CDH22: variants seen among roughly 807,000 people sequenced by gnomAD.
CDH22 encodes the protein cadherin 22.
In CDH22, 30 loss-of-function variants were observed where a neutral mutation model predicts 58.4. The observed-to-expected ratio is 0.51, with a 90% CI of 0.38 to 0.70. CDH22 has a LOEUF of 0.70. Among genes scored for constraint, CDH22 ranks in the 30% least tolerant of loss-of-function variants. The pLI is 0.00. For synonymous variants in CDH22, 513 were observed against 558.2 expected (o/e 0.92, Z 1.14); for missense variants, 1,014 against 1,233.9 (o/e 0.82, Z 2.67).
At chr20:46,240,904 C>A (rs2086284638) in intron 3 of CDH22, 59 bp downstream of exon 3, 4 of 1,462,062 alleles carry the variant, frequency 2.7e-6, no homozygotes, top group Admixed American at 1.9e-5. Flanking sequence ...CCCTTCCCAG[C>A]AGGCTCCACT....
intron 1 of CDH22, among the ~76,000 whole-genome samples, chr20:46,256,602 G>T (rs1459170572): frequency 6.6e-6 from 1 of 152,146 alleles, no homozygotes; most frequent in African/African-American, 2.4e-5. Context: ...AGAGTGTGGG[G>T]GTGGAGTCAG....
intron 1 of CDH22, among the ~76,000 whole-genome samples, chr20:46,267,120 A>G (rs1224489990): frequency 6.6e-6 from 1 of 152,112 alleles, no homozygotes; most frequent in Non-Finnish European, 1.5e-5. Flanking sequence ...CCGAGAGGTG[A>G]AGTCACTTGT....
chr20:46,211,783 A>C (rs545768567), intron 6 of CDH22, among the ~76,000 whole-genome samples: 1 of 152,184 alleles, frequency 6.6e-6, no homozygotes, highest in South Asian at 2.1e-4. Flanking sequence ...CAAAAGACTG[A>C]AAATCACTAG....
chr20:46,208,806 T>G (rs536564043), intron 7 of CDH22, among the ~76,000 whole-genome samples: 2 of 152,268 alleles, frequency 1.3e-5, no homozygotes, highest in African/African-American at 4.8e-5. Flanking sequence ...TTGGTCAGGC[T>G]GGTCTCAAAC....
intron 10 of CDH22, among the ~76,000 whole-genome samples, chr20:46,179,610 A>G (rs2085770252): frequency 6.6e-6 from 1 of 152,172 alleles, no homozygotes; most frequent in African/African-American, 2.4e-5. Context: ...TTTTACACAC[A>G]TTTGAGAATT....
chr20:46,297,353 G>A (rs143518796), intron 1 of CDH22, among the ~76,000 whole-genome samples: 2,703 of 152,128 alleles, frequency 0.018, 93 homozygotes, highest in African/African-American at 0.062. Context: ...ATTCCAGAAG[G>A]TGACCAGGAG....
Position 46,174,431 on chromosome 20 carries a change from G to GGGAA in CDH22, c.*71_*74dup. On this transcript the variant is annotated 3_prime_UTR_variant, in exon 12 of 12. Coordinates refer to ENST00000537909, the MANE Select transcript of CDH22 (RefSeq NM_021248.3). The surrounding 1 kb of genome is among the most constrained non-coding windows in gnomAD (Gnocchi z 4.4). The stretch of plus-strand genomic sequence containing the variant: ...GGAGGGCAGGAAAGGGGGTCCGCGG[G>GGGAA]GGAAACGCGTTGTCCTGGGGCCCCG... 6.6e-6 allele frequency: 7 copies of GGGAA among 1,065,620 alleles called. No homozygotes were observed. The highest frequency in any genetic ancestry group is 8.9e-6 in the Non-Finnish European group (7 of 786,102). 66.0% of individuals were successfully genotyped at this position (1,065,620 alleles called of 1,614,324 possible). A position where few individuals can be genotyped will look rare whatever the true frequency, so the allele number is the denominator to read the frequency against.
chr20:46,187,059 G>T, intron 8 of CDH22, 112 bp from the exon 9 acceptor site: 1 of 1,188,996 alleles, frequency 8.4e-7, no homozygotes, highest in Non-Finnish European at 1.2e-6. Context: ...AGAAATTTGT[G>T]GGTTAACCAA....
rs548092293 is a variant in CDH22 at position 46,263,850 on chromosome 20, G to T, written c.-399-12157C>A. Among the ~76,000 whole-genome samples, 20 of 152,276 alleles carry T rather than the reference G, an allele frequency of 1.3e-4. No individual in the cohort carries two copies. The South Asian group carries it at 4.2e-3, about 32-fold the overall frequency. Reference sequence around the variant, plus strand: ...GTGTTCAAGGTTGTGTCTTAAAAGAGGTCACTGTGCTTGTTGCTGGAAGAA... The same window carrying T: ...GTGTTCAAGGTTGTGTCTTAAAAGATGTCACTGTGCTTGTTGCTGGAAGAA... On this transcript the variant is annotated intron_variant, in intron 1 of 11. Transcript: ENST00000537909.
intron 10 of CDH22, among the ~76,000 whole-genome samples, chr20:46,181,751 C>CCTTCCTTCCTTCCTTCCTTT (rs2085788103): frequency 9.8e-6 from 1 of 101,776 alleles, no homozygotes; most frequent in South Asian, 4.0e-4. Context: ...TTCCTTCCTT[C>CCTTCCTTCCTTCCTTCCTTT]CTTCTTTCTT....
chr20:46,203,049 T>A (rs1411796554), intron 7 of CDH22, among the ~76,000 whole-genome samples: 1 of 152,146 alleles, frequency 6.6e-6, no homozygotes, highest in Non-Finnish European at 1.5e-5. Context: ...TCTTCCTCCT[T>A]CTCCTTTGCC....
At chr20:46,181,704 T>C (rs534406591) in intron 10 of CDH22, among the ~76,000 whole-genome samples, 1 of 111,104 alleles carries the variant, frequency 9.0e-6, no homozygotes. Flanking sequence ...TTTCTTTTCT[T>C]TTCTTTCTTT....
In CDH22 at chr20:46,210,435, G is replaced by A; in HGVS notation, c.1158C>T (p.Thr386=). The A allele has an allele frequency of 1.4e-6, 2 of 1,452,358 alleles. No individual in the cohort carries two copies. Among genetic ancestry groups the A allele is most frequent in the Non-Finnish European group, 1.8e-6 (2 of 1,101,926 alleles). The allele number at this position is 1,452,358 out of a possible 1,614,324, so 90.0% of individuals were successfully genotyped here. The change falls in exon 7 of 12, where the codon ACC becomes ACT. Residue 386 remains threonine, a synonymous_variant. Coordinates refer to ENST00000537909, the MANE Select transcript of CDH22 (RefSeq NM_021248.3). The surrounding 1 kb of genome is among the most constrained non-coding windows in gnomAD (Gnocchi z 4.5). ...GGAACTCGGGGGGCTCGTCCACGTC[G>A]GTCACGGCCACGCGCACGATCGCCT... The part of the protein sequence containing the change: ...RDQAIVRVAV[T]DVDEPPEFRP...
chr20:46,202,902 T>C (rs562882546), intron 7 of CDH22, among the ~76,000 whole-genome samples: 70 of 152,126 alleles, frequency 4.6e-4, no homozygotes, highest in African/African-American at 1.7e-3. Context: ...CCTGGGCTTC[T>C]GATCCCTCGT....
intron 1 of CDH22, among the ~76,000 whole-genome samples, chr20:46,299,842 G>A (rs1193239976): frequency 6.6e-6 from 1 of 152,166 alleles, no homozygotes; most frequent in Non-Finnish European, 1.5e-5. Context: ...TGGTAGTCTG[G>A]CTCCTAGGCA....
intron 1 of CDH22, among the ~76,000 whole-genome samples, chr20:46,289,237 A>C (rs2086589760): frequency 6.6e-6 from 1 of 151,762 alleles, no homozygotes; most frequent in East Asian, 1.9e-4. Flanking sequence ...CAAATGGCTG[A>C]CCCCATGCAC....
chr20:46,242,115 G>T (rs964279229), intron 2 of CDH22, among the ~76,000 whole-genome samples: 3 of 152,244 alleles, frequency 2.0e-5, no homozygotes, highest in Non-Finnish European at 2.9e-5. Flanking sequence ...CCTTCCATGT[G>T]CCAGGCACTG....
chr20:46,281,885 C>A (rs1032816060), intron 1 of CDH22, among the ~76,000 whole-genome samples: 1 of 152,246 alleles, frequency 6.6e-6, no homozygotes, highest in Admixed American at 6.5e-5. Flanking sequence ...ATGTGCGGAG[C>A]ACACGCATTA....
chr20:46,199,306 C>T lies in CDH22; in HGVS notation c.1423+117G>A, dbSNP rs2085935415. 18 of 1,245,144 alleles carry T rather than the reference C, an allele frequency of 1.4e-5. No individual in the cohort carries two copies. The Admixed American group carries it at 1.9e-4, about 13-fold the overall frequency. 77.1% of individuals were successfully genotyped at this position (1,245,144 alleles called of 1,614,324 possible). A position where few individuals can be genotyped will look rare whatever the true frequency, so the allele number is the denominator to read the frequency against. ...CATCCCCAACCTTTGGCCCCTCCCCCGTGGGCTTTGACTGACAGGGCTGCC... is the reference window on the plus strand; with the variant it reads ...CATCCCCAACCTTTGGCCCCTCCCCTGTGGGCTTTGACTGACAGGGCTGCC... On this transcript the variant is annotated intron_variant, in intron 8 of 11. Coordinates refer to ENST00000537909, the MANE Select transcript of CDH22 (RefSeq NM_021248.3).
Sources: allele counts gnomAD v4.1 joint callset (sites outside exome capture counted in the v4.1 genomes callset), GRCh38; gene constraint gnomAD v4.1.1; non-coding constraint Gnocchi (gnomAD v3.1); transcripts MANE v1.5; gene names NCBI Gene and HGNC (gene_info 2026-07-23, HGNC 2026-07-21).